The following NUDCD3 variants were observed in gnomAD, a reference collection of about 807,000 sequenced individuals.
The protein encoded by NUDCD3 is nudC domain-containing protein 3.
Under a neutral mutation model 39.7 loss-of-function variants are expected in NUDCD3, and 13 were observed. The ratio of observed to expected loss-of-function variants is 0.33; its 90% CI spans 0.21 to 0.52. NUDCD3 has a LOEUF of 0.52. Ranked by LOEUF, NUDCD3 falls within the 20% of genes least tolerant of loss-of-function variation. The probability of loss-of-function intolerance (pLI) is 0.96; values close to 1 mark genes in which losing one functional copy is unlikely to be tolerated. For synonymous variants in NUDCD3, 175 were observed against 172.4 expected, an observed-to-expected ratio of 1.02 and a Z score of -0.12; for missense variants, 453 against 458.1, an observed-to-expected ratio of 0.99 and a Z score of 0.10.
intron 4 of NUDCD3, among the ~76,000 whole-genome samples, chr7:44,399,191 G>A (rs1798677713): frequency 6.6e-6 from 1 of 152,184 alleles, no homozygotes; most frequent in South Asian, 2.1e-4. Context: ...AGCCGGCTCT[G>A]CTCAGCACAT....
chr7:44,413,821 G>A (rs748890158), intron 3 of NUDCD3, among the ~76,000 whole-genome samples: 2 of 152,172 alleles, frequency 1.3e-5, no homozygotes, highest in African/African-American at 2.4e-5. Flanking sequence ...GGGAGACCAA[G>A]GTAAATGGAC....
At chr7:44,487,346 T>A (rs1250182876) in intron 1 of NUDCD3, among the ~76,000 whole-genome samples, 2 of 151,742 alleles carry the variant, frequency 1.3e-5, no homozygotes, top group Non-Finnish European at 2.9e-5. Flanking sequence ...AGCCCAGCAC[T>A]CCCATCCAAA....
chr7:44,382,692 T>C lies in NUDCD3; in HGVS notation c.*3319A>G, dbSNP rs1052287572. 1.3e-5 allele frequency: 2 copies of C among 152,282 alleles called. No individual in the cohort carries two copies. The highest frequency in any genetic ancestry group is 4.8e-5 in the African/African-American group (2 of 41,452). 9.4% of individuals were successfully genotyped at this position (152,282 alleles called of 1,614,324 possible). On this transcript the variant is annotated 3_prime_UTR_variant, in exon 6 of 6. Coordinates refer to ENST00000355451, the MANE Select transcript of NUDCD3 (RefSeq NM_015332.4). The stretch of plus-strand genomic sequence containing the variant: ...TTTCTCAAGGACTGGCCAGGTTCTG[T>C]GCTGACAACTTCGTGCTTTTCATCG...
At chr7:44,439,813 C>A (rs149089510) in intron 2 of NUDCD3, among the ~76,000 whole-genome samples, 67 of 151,988 alleles carry the variant, frequency 4.4e-4, no homozygotes, top group African/African-American at 1.5e-3. Context: ...TAATGGAAGT[C>A]CAATTAAAAA....
chr7:44,462,151 A>ACT (rs146237029), intron 2 of NUDCD3, among the ~76,000 whole-genome samples: 49 of 150,176 alleles, frequency 3.3e-4, no homozygotes, highest in East Asian at 9.7e-4. Context: ...GTACACACAC[A>ACT]CTCTCTCTCT....
intron 2 of NUDCD3, among the ~76,000 whole-genome samples, chr7:44,437,121 G>A (rs1799483583): frequency 6.9e-6 from 1 of 144,018 alleles, no homozygotes; most frequent in Admixed American, 7.1e-5. Flanking sequence ...CCAGGCTGGA[G>A]TGCAATGGTG....
chr7:44,449,851 A>AT (rs1240188670), intron 2 of NUDCD3, among the ~76,000 whole-genome samples: 1 of 139,618 alleles, frequency 7.2e-6, no homozygotes, highest in South Asian at 2.2e-4. Flanking sequence ...AACATGATCC[A>AT]TAAAAAAAAA....
chr7:44,453,582 T>G (rs1289304682), intron 2 of NUDCD3, among the ~76,000 whole-genome samples: 1 of 152,118 alleles, frequency 6.6e-6, no homozygotes, highest in Non-Finnish European at 1.5e-5. Context: ...GTGTTAAGAC[T>G]TGGCAGGACC....
intron 2 of NUDCD3, among the ~76,000 whole-genome samples, chr7:44,433,990 C>T (rs1404190812): frequency 1.3e-5 from 2 of 152,198 alleles, no homozygotes; most frequent in Non-Finnish European, 2.9e-5. Context: ...TTTCTTCCAC[C>T]TGATGGAAAT....
chr7:44,437,815 T>C (rs1168789783), intron 2 of NUDCD3, among the ~76,000 whole-genome samples: 1 of 152,204 alleles, frequency 6.6e-6, no homozygotes, highest in Non-Finnish European at 1.5e-5. Context: ...TAGATTTAAA[T>C]GCAAATTTAG....
At chr7:44,393,032 G>A (rs574403933) in intron 4 of NUDCD3, among the ~76,000 whole-genome samples, 2 of 152,258 alleles carry the variant, frequency 1.3e-5, no homozygotes, top group East Asian at 1.9e-4. Context: ...TTAGGGCTCA[G>A]CCTAATGCAT....
chr7:44,427,495 T>TG (rs1427787976), intron 3 of NUDCD3, 76 bp downstream of exon 3: 2 of 1,511,272 alleles, frequency 1.3e-6, no homozygotes, highest in African/African-American at 1.4e-5. Flanking sequence ...CCCTCAAGGA[T>TG]GCTGGTGGGT....
chr7:44,450,594 C>T (rs190725347), intron 2 of NUDCD3, among the ~76,000 whole-genome samples: 14 of 151,782 alleles, frequency 9.2e-5, no homozygotes, highest in Admixed American at 3.3e-4. Context: ...GAGTTTGAGA[C>T]CAGCCTGGGC....
Position 44,427,696 on chromosome 7 carries a change from C to G in NUDCD3, c.517G>C (p.Glu173Gln). 5 of 1,613,856 alleles carry G rather than the reference C, an allele frequency of 3.1e-6. No homozygotes were observed. The highest frequency in any genetic ancestry group is 4.2e-6 in the Non-Finnish European group (5 of 1,179,918). The change falls in exon 3 of 6, where the codon GAG becomes CAG. Residue 173 changes from glutamate to glutamine, a missense_variant. Physicochemically the swap from Glu to Gln is conservative, Grantham distance 29 (BLOSUM62 2). Coordinates refer to ENST00000355451, the MANE Select transcript of NUDCD3 (RefSeq NM_015332.4). ...REPPILPRIQ[E>Q]QFQKNPDSYN... The stretch of plus-strand genomic sequence containing the variant: ...CTGTCGGGATTTTTCTGGAACTGCT[C>G]CTGAATCCTGAGAAAGAATAAAAAA...
intron 2 of NUDCD3, among the ~76,000 whole-genome samples, chr7:44,450,151 T>G (rs2116933537): frequency 6.6e-6 from 1 of 151,820 alleles, no homozygotes; most frequent in African/African-American, 2.4e-5. Context: ...CACAGTGAAA[T>G]ACCACACTGA....
intron 2 of NUDCD3, among the ~76,000 whole-genome samples, chr7:44,438,455 CT>C: frequency 6.6e-6 from 1 of 152,230 alleles, no homozygotes; most frequent in Admixed American, 6.5e-5. Context: ...AACTTGGAAG[CT>C]TTCTAATTCA....
chr7:44,450,273 G>A (rs999902606), intron 2 of NUDCD3, among the ~76,000 whole-genome samples: 14 of 151,698 alleles, frequency 9.2e-5, no homozygotes, highest in African/African-American at 2.4e-4. Flanking sequence ...TACCTCCTGG[G>A]GTCAAGAGAT....
intron 2 of NUDCD3, among the ~76,000 whole-genome samples, chr7:44,429,537 C>G (rs1042783628): frequency 6.6e-6 from 1 of 152,174 alleles, no homozygotes; most frequent in African/African-American, 2.4e-5. Context: ...GACTTCCCCT[C>G]TAGGAACTGT....
intron 2 of NUDCD3, among the ~76,000 whole-genome samples, chr7:44,442,796 C>T (rs1799613787): frequency 6.6e-6 from 1 of 150,956 alleles, no homozygotes. Context: ...CCCGGGTTCA[C>T]GCCATTCTCC....
Sources: gnomAD v4.1 joint callset for allele counts (sites outside exome capture counted in the v4.1 genomes callset) on GRCh38, gnomAD v4.1.1 for gene constraint, MANE v1.5 for transcripts, NCBI Gene and HGNC (gene_info 2026-07-23, HGNC 2026-07-21) for gene names.